CRYBB1: variants seen among roughly 807,000 people sequenced by gnomAD.
CRYBB1 encodes crystallin beta B1, also known as beta-crystallin B1.
A neutral mutation model predicts 29.5 loss-of-function variants in CRYBB1; 16 were observed. The observed-to-expected ratio is 0.54, with a 90% confidence interval of 0.37 to 0.82. The LOEUF is 0.82. Among genes scored for constraint, CRYBB1 ranks in the 40% least tolerant of loss-of-function variants. The pLI is 0.00. For synonymous variants in CRYBB1, 127 were observed against 136.7 expected, an observed-to-expected ratio of 0.93 and a Z score of 0.49; for missense variants, 300 against 350.5, an observed-to-expected ratio of 0.86 and a Z score of 1.15.
intron 2 of CRYBB1, among the ~76,000 whole-genome samples, chr22:26,613,637 C>T (rs151009357): frequency 6.6e-6 from 1 of 152,262 alleles, no homozygotes; most frequent in East Asian, 1.9e-4. Flanking sequence ...TTAATCCTGT[C>T]AGCTGAGGAG....
Position 26,616,174 on chromosome 22 carries a change from G to A in CRYBB1, c.146C>T (p.Ala49Val). Residue 49 changes from alanine to valine, a missense_variant, in exon 2 of 6, where the codon GCC becomes GTC. By Grantham distance (64) the Ala-to-Val change is moderately conservative (BLOSUM62 0). Coordinates refer to ENST00000647684, the MANE Select transcript of CRYBB1 (RefSeq NM_001887.4). ...LAPTTVPITSAKAAELPPGNY... is the reference protein window; with the variant it reads ...LAPTTVPITSVKAAELPPGNY... Reference sequence around the variant, plus strand: ...CCCAGGAGGCAGTTCCGCCGCCTTGGCGCTGGTAATAGGCACGGTTGTTGG... The same window carrying A: ...CCCAGGAGGCAGTTCCGCCGCCTTGACGCTGGTAATAGGCACGGTTGTTGG... 6.2e-7 allele frequency: 1 copy of A among 1,614,222 alleles called. No individual in the cohort carries two copies. Among genetic ancestry groups the A allele is most frequent in the East Asian group, 2.2e-5 (1 of 44,868 alleles).
At chr22:26,614,604 G>A (rs1450075304) in intron 2 of CRYBB1, among the ~76,000 whole-genome samples, 1 of 152,142 alleles carries the variant, frequency 6.6e-6, no homozygotes, top group Non-Finnish European at 1.5e-5. Flanking sequence ...GCAGTCATGC[G>A]CAACAATATG....
At chr22:26,616,448 C>A (rs958929051) in intron 1 of CRYBB1, 110 bp from the exon 2 acceptor site, 3 of 745,692 alleles carry the variant, frequency 4.0e-6, no homozygotes, top group Non-Finnish European at 7.0e-6. Context: ...CTCTCTATCT[C>A]CTTCTGAAAC....
At chr22:26,601,158 G>A (rs1357618797) in intron 5 of CRYBB1, among the ~76,000 whole-genome samples, 1 of 152,202 alleles carries the variant, frequency 6.6e-6, no homozygotes, top group Non-Finnish European at 1.5e-5. Context: ...CTCAGAACAA[G>A]TCTGGGAATG....
chr22:26,614,301 T>G (rs187584792), intron 2 of CRYBB1, among the ~76,000 whole-genome samples: 1 of 152,328 alleles, frequency 6.6e-6, no homozygotes, highest in East Asian at 1.9e-4. Flanking sequence ...TTTTGCAGCT[T>G]GTGGGGCATC....
intron 3 of CRYBB1, 45 bp from the exon 4 acceptor site, chr22:26,608,066 A>G (rs199964540): frequency 6.2e-7 from 1 of 1,613,692 alleles, no homozygotes; most frequent in Non-Finnish European, 8.5e-7. Flanking sequence ...ACATATGGTT[A>G]GTAGAAGCCC....
Position 26,608,010 on chromosome 22 carries a change from A to G in CRYBB1, c.311T>C (p.Phe104Ser), listed in dbSNP as rs747052076. 5 of 1,614,164 alleles carry G rather than the reference A, an allele frequency of 3.1e-6. No homozygotes were observed. The highest frequency in any genetic ancestry group is 4.2e-6 in the Non-Finnish European group (5 of 1,180,036). ...CTCCCCGCGGAAGTTGGACTGCTCA[A>G]AGGCGACCCAGCTGGATACAAGAAG... is the stretch of plus-strand genomic sequence containing the variant. The part of the protein sequence containing the change: ...IIVSAGPWVA[F>S]EQSNFRGEMF... The change falls in exon 4 of 6, where the codon TTT becomes TCT. Residue 104 changes from phenylalanine (F) to serine (S), a missense_variant. Phe to Ser is a radical substitution (Grantham distance 155). Coordinates refer to ENST00000647684, the MANE Select transcript of CRYBB1 (RefSeq NM_001887.4).
chr22:26,603,314 G>T (rs1237970728), intron 4 of CRYBB1, among the ~76,000 whole-genome samples: 1 of 151,504 alleles, frequency 6.6e-6, no homozygotes, highest in East Asian at 2.0e-4. Context: ...TAGATCACCT[G>T]AGGTCAGGAG....
chr22:26,604,733 G>A (rs1928922291), intron 4 of CRYBB1, among the ~76,000 whole-genome samples: 1 of 152,220 alleles, frequency 6.6e-6, no homozygotes, highest in Admixed American at 6.5e-5. Context: ...AGGCAGGGAT[G>A]TAAGCACAGG....
At chr22:26,613,438 A>G (rs1929242831) in intron 2 of CRYBB1, among the ~76,000 whole-genome samples, 1 of 152,220 alleles carries the variant, frequency 6.6e-6, no homozygotes, top group Non-Finnish European at 1.5e-5. Flanking sequence ...GGCTGAAGCC[A>G]TGGCAGAAGA....
chr22:26,608,233 G>A (rs144392189), intron 3 of CRYBB1, among the ~76,000 whole-genome samples: 99 of 152,064 alleles, frequency 6.5e-4, no homozygotes, highest in Middle Eastern at 3.4e-3. Context: ...CTGAGCCTTT[G>A]TTTCTCATCT....
intron 1 of CRYBB1, among the ~76,000 whole-genome samples, chr22:26,616,980 C>T (rs1473111668): frequency 6.6e-6 from 1 of 152,228 alleles, no homozygotes. Context: ...TTGCTCTGCA[C>T]CTGGCACATA....
chr22:26,615,998 A>G, intron 2 of CRYBB1, 142 bp downstream of exon 2: 1 of 730,638 alleles, frequency 1.4e-6, no homozygotes, highest in Non-Finnish European at 2.5e-6. Context: ...TAGAAAGGAG[A>G]GAAAATAAGC....
chr22:26,613,667 C>A (rs1032632176), intron 2 of CRYBB1, among the ~76,000 whole-genome samples: 2 of 152,060 alleles, frequency 1.3e-5, no homozygotes, highest in African/African-American at 4.8e-5. Context: ...CGCCTCAGGA[C>A]CGTGTGATAA....
intron 4 of CRYBB1, 135 bp downstream of exon 4, chr22:26,607,754 G>A: frequency 4.3e-6 from 5 of 1,170,126 alleles, no homozygotes; most frequent in African/African-American, 3.0e-5. Flanking sequence ...AAGAATCCAC[G>A]GTCCTTTGAC....
chr22:26,603,784 C>T (rs1441710475), intron 4 of CRYBB1, among the ~76,000 whole-genome samples: 1 of 150,494 alleles, frequency 6.6e-6, no homozygotes, highest in African/African-American at 2.4e-5. Flanking sequence ...ATTAGCTGGG[C>T]GTGGTGGCAC....
At chr22:26,615,633 C>T (rs1248322804) in intron 2 of CRYBB1, among the ~76,000 whole-genome samples, 2 of 152,156 alleles carry the variant, frequency 1.3e-5, no homozygotes, top group East Asian at 3.9e-4. Flanking sequence ...CCTGCCTCAG[C>T]CTCCCAAGTA....
rs141335981 is a variant in CRYBB1 at position 26,614,139 on chromosome 22, A to C, written c.181-1949T>G. Among the ~76,000 whole-genome samples, 297 of 152,264 alleles carry C rather than the reference A, an allele frequency of 2.0e-3. 4 individuals carry two copies. In the East Asian group the frequency reaches 0.052, roughly 26 times the overall value. ...TGCCCAAAACTTCATTAGCAATTTTAATTTTGCCCCGGTCCTGTGATCCTG... is the reference window on the plus strand; with the variant it reads ...TGCCCAAAACTTCATTAGCAATTTTCATTTTGCCCCGGTCCTGTGATCCTG... On this transcript the variant is annotated intron_variant, in intron 2 of 5. Transcript: ENST00000647684.
At chr22:26,603,595 C>T (rs1174443297) in intron 4 of CRYBB1, among the ~76,000 whole-genome samples, 2 of 151,496 alleles carry the variant, frequency 1.3e-5, no homozygotes, top group African/African-American at 2.4e-5. Context: ...ACTCAACTCA[C>T]GGTTCAGTCC....
Sources: allele counts gnomAD v4.1 joint callset (sites outside exome capture counted in the v4.1 genomes callset), GRCh38; gene constraint gnomAD v4.1.1; transcripts MANE v1.5; gene names NCBI Gene and HGNC (gene_info 2026-07-23, HGNC 2026-07-21).